THSD7B: variants seen among roughly 807,000 people sequenced by gnomAD.
THSD7B encodes thrombospondin type 1 domain containing 7B.
Under a neutral mutation model 213.6 loss-of-function variants are expected in THSD7B, and 138 were observed. That is an observed-to-expected ratio of 0.65 (90% CI 0.56 to 0.74). THSD7B has a LOEUF of 0.74. Ranked by LOEUF, THSD7B falls within the 30% of genes least tolerant of loss-of-function variation. The probability of loss-of-function intolerance (pLI) is 0.00; values close to 1 mark genes in which losing one functional copy is unlikely to be tolerated. For missense variants in THSD7B, 1,931 were observed against 1,991.5 expected (o/e 0.97, Z 0.58); for synonymous variants, 742 against 687.0 (o/e 1.08, Z -1.25).
rs1379402345 is a variant in THSD7B at position 137,447,526 on chromosome 2, T to C, written c.2960-3319T>C. Among the ~76,000 whole-genome samples, 4 of 152,156 alleles carry C rather than the reference T, an allele frequency of 2.6e-5. No homozygotes were observed. In the East Asian group the frequency reaches 5.8e-4, roughly 22 times the overall value. ...TAATGTTGTGACTTCCTTTTAATCC[T>C]TTATTTAGCTTTTACTGTGTATCTA... On this transcript the variant is annotated intron_variant, in intron 14 of 27. Coordinates refer to ENST00000409968, the MANE Select transcript of THSD7B (RefSeq NM_001316349.2).
At chr2:137,572,360 T>A in intron 16 of THSD7B, 46 bp from the exon 17 acceptor site, 1 of 1,602,074 alleles carries the variant, frequency 6.2e-7, no homozygotes, top group South Asian at 1.1e-5. Flanking sequence ...AAATATACTC[T>A]CCACTGTTTT....
At chr2:137,388,908 C>T (rs1380957354) in intron 12 of THSD7B, among the ~76,000 whole-genome samples, 1 of 151,796 alleles carries the variant, frequency 6.6e-6, no homozygotes, top group Non-Finnish European at 1.5e-5. Context: ...TTTCTTTATC[C>T]ATTATTCATT....
chr2:137,447,163 A>G (rs1335150372), intron 14 of THSD7B, among the ~76,000 whole-genome samples: 1 of 152,070 alleles, frequency 6.6e-6, no homozygotes, highest in Non-Finnish European at 1.5e-5. Context: ...TATAACCTTG[A>G]CTTTCATAGA....
At chr2:137,109,455 C>T (rs974496970) in intron 4 of THSD7B, among the ~76,000 whole-genome samples, 1 of 152,112 alleles carries the variant, frequency 6.6e-6, no homozygotes, top group Non-Finnish European at 1.5e-5. Context: ...TTATTTCTAT[C>T]ATTATCACAT....
At chr2:136,868,042 C>G (rs185346913) in intron 1 of THSD7B, among the ~76,000 whole-genome samples, 12 of 152,040 alleles carry the variant, frequency 7.9e-5, no homozygotes, top group African/African-American at 2.9e-4. Flanking sequence ...AAATATACTT[C>G]AAGACAATTG....
chr2:137,054,868 C>T (rs1257573975), intron 2 of THSD7B, among the ~76,000 whole-genome samples: 2 of 151,910 alleles, frequency 1.3e-5, no homozygotes, highest in East Asian at 3.9e-4. Context: ...CACCTGTCAA[C>T]CCATCATCTA....
At chr2:137,373,678 G>A (rs1423213120) in intron 12 of THSD7B, among the ~76,000 whole-genome samples, 7 of 152,084 alleles carry the variant, frequency 4.6e-5, no homozygotes, top group African/African-American at 7.2e-5. Context: ...AGTTTCTTTT[G>A]CTGTGCAGAA....
At chr2:137,668,875 AT>A (rs1326322106) in intron 27 of THSD7B, among the ~76,000 whole-genome samples, 1 of 152,182 alleles carries the variant, frequency 6.6e-6, no homozygotes, top group African/African-American at 2.4e-5. Context: ...CATCCTCACC[AT>A]CTTCATACTG....
chr2:137,588,910 G>C (rs1681804090), intron 17 of THSD7B, among the ~76,000 whole-genome samples: 1 of 152,066 alleles, frequency 6.6e-6, no homozygotes, highest in Admixed American at 6.6e-5. Context: ...CTCCTGAGTA[G>C]GTGGGATTAC....
chr2:137,213,914 C>A (rs1681177047), intron 7 of THSD7B, among the ~76,000 whole-genome samples: 1 of 152,066 alleles, frequency 6.6e-6, no homozygotes, highest in African/African-American at 2.4e-5. Flanking sequence ...GACTCTCTAT[C>A]TTATAAGCTT....
At chr2:137,337,834 T>A (rs1014386026) in intron 12 of THSD7B, among the ~76,000 whole-genome samples, 2 of 152,110 alleles carry the variant, frequency 1.3e-5, no homozygotes, top group African/African-American at 4.8e-5. Context: ...CTATATGAGT[T>A]TTAATCCATT....
intron 7 of THSD7B, among the ~76,000 whole-genome samples, chr2:137,172,655 A>G (rs1680276766): frequency 6.6e-6 from 1 of 152,178 alleles, no homozygotes; most frequent in African/African-American, 2.4e-5. Context: ...TGAGTTCTGT[A>G]ATATGTCCTA....
At chr2:137,477,766 C>T (rs572421555) in intron 15 of THSD7B, among the ~76,000 whole-genome samples, 84 of 152,044 alleles carry the variant, frequency 5.5e-4, no homozygotes, top group African/African-American at 1.9e-3. Flanking sequence ...CTGGTACAGC[C>T]GATCTAATTG....
intron 15 of THSD7B, among the ~76,000 whole-genome samples, chr2:137,543,814 A>G (rs1024207115): frequency 6.6e-6 from 1 of 151,746 alleles, no homozygotes; most frequent in Non-Finnish European, 1.5e-5. Flanking sequence ...GGACTTAGAC[A>G]TTTCTCCAAA....
intron 10 of THSD7B, among the ~76,000 whole-genome samples, chr2:137,243,367 G>A (rs1457743665): frequency 2.0e-5 from 3 of 152,114 alleles, no homozygotes; most frequent in African/African-American, 7.2e-5. Context: ...ACCATTGCAT[G>A]GTTACAAAAG....
At chr2:137,328,271 GCAA>G (rs775252009) in intron 12 of THSD7B, among the ~76,000 whole-genome samples, 5 of 152,078 alleles carry the variant, frequency 3.3e-5, no homozygotes, top group Admixed American at 2.0e-4. Context: ...GGCAGAAACA[GCAA>G]CAACAACAAC....
At chr2:137,610,014 G>A (rs1485428737) in intron 17 of THSD7B, among the ~76,000 whole-genome samples, 14 of 152,054 alleles carry the variant, frequency 9.2e-5, no homozygotes, top group Admixed American at 6.6e-4. Flanking sequence ...CTAGATTGTC[G>A]GAGTTGCCAT....
intron 13 of THSD7B, among the ~76,000 whole-genome samples, chr2:137,410,305 G>T (rs1686624261): frequency 6.6e-6 from 1 of 151,140 alleles, no homozygotes; most frequent in Non-Finnish European, 1.5e-5. Flanking sequence ...ATCTTGCTCT[G>T]TCGCCCAGAC....
At chr2:137,013,142 C>G (rs1455739257) in intron 2 of THSD7B, among the ~76,000 whole-genome samples, 1 of 152,114 alleles carries the variant, frequency 6.6e-6, no homozygotes, top group East Asian at 1.9e-4. Flanking sequence ...CAAACACATG[C>G]TTTAAAGTTT....
Sources: allele counts gnomAD v4.1 joint callset (sites outside exome capture counted in the v4.1 genomes callset), GRCh38; gene constraint gnomAD v4.1.1; transcripts MANE v1.5; gene names NCBI Gene and HGNC (gene_info 2026-07-23, HGNC 2026-07-21).